The following TSC22D1 variants were observed in gnomAD, a reference collection of about 807,000 sequenced individuals.
TSC22D1 encodes TSC22 domain family member 1.
A neutral mutation model predicts 74.2 loss-of-function variants in TSC22D1; 9 were observed. The observed-to-expected ratio is 0.12, with a 90% CI of 0.07 to 0.21. TSC22D1 has a LOEUF of 0.21. Among genes scored for constraint, TSC22D1 ranks in the 10% least tolerant of loss-of-function variants. The pLI, the probability that TSC22D1 is intolerant of heterozygous loss-of-function variation, is 1.00. For missense variants in TSC22D1, 1,427 were observed against 1,304.7 expected, an observed-to-expected ratio of 1.09 and a Z score of -1.44; for synonymous variants, 586 against 492.5, an observed-to-expected ratio of 1.19 and a Z score of -2.51.
chr13:44,536,883 C>G (rs925138931), intron 1 of TSC22D1: 21 of 974,114 alleles, frequency 2.2e-5, no homozygotes, highest in Admixed American at 1.3e-4. Flanking sequence ...CACTGGTGAC[C>G]CCCACGAAGA....
Position 44,523,729 on chromosome 13 carries a change from A to G in TSC22D1, c.2912+49434T>C, listed in dbSNP as rs534213602. On this transcript the variant is annotated intron_variant, in intron 1 of 2. Transcript: ENST00000458659. ...GACAACCAGAATGGAATAGATTGAA[A>G]AGTAAACTAAATTTGAGAGATTGTA... 1.1e-4 allele frequency among the ~76,000 whole-genome samples: 17 copies of G among 152,296 alleles called. No individual in the cohort carries two copies. The South Asian group carries it at 3.3e-3, about 30-fold the overall frequency.
rs1884240331 is a variant in TSC22D1 at position 44,576,278 on chromosome 13, G to A, written c.-204C>T. 4.3e-6 allele frequency: 3 copies of A among 691,060 alleles called. No homozygotes were observed. Among genetic ancestry groups the A allele is most frequent in the African/African-American group, 1.8e-5 (1 of 55,340 alleles). The allele number at this position is 691,060 out of a possible 1,614,324, so 42.8% of individuals were successfully genotyped here. On this transcript the variant is annotated 5_prime_UTR_variant, in exon 1 of 3. Transcript: ENST00000458659. Reference sequence around the variant, plus strand: ...AAAGGAGGATGAACGAGGGTGAACAGGGCGGCCGGGGACCCGAAGGGGGGA... The same window carrying A: ...AAAGGAGGATGAACGAGGGTGAACAAGGCGGCCGGGGACCCGAAGGGGGGA...
At chr13:44,474,677 G>C (rs1291344000) in intron 1 of TSC22D1, among the ~76,000 whole-genome samples, 3 of 151,950 alleles carry the variant, frequency 2.0e-5, no homozygotes, top group African/African-American at 7.3e-5. Flanking sequence ...GAAGAGAAAG[G>C]ATGAAGGAAG....
intron 1 of TSC22D1, among the ~76,000 whole-genome samples, chr13:44,565,769 G>C (rs936990214): frequency 5.9e-5 from 9 of 152,020 alleles, no homozygotes; most frequent in African/African-American, 2.2e-4. Context: ...TGTTGCCTAG[G>C]TTGGTCTTGA....
intron 1 of TSC22D1, among the ~76,000 whole-genome samples, chr13:44,509,508 C>A (rs548209003): frequency 6.6e-6 from 1 of 152,136 alleles, no homozygotes; most frequent in Non-Finnish European, 1.5e-5. Flanking sequence ...GACGTGGTGG[C>A]GGGCGCCTGT....
intron 1 of TSC22D1, chr13:44,436,683 T>C: frequency 6.4e-7 from 1 of 1,557,120 alleles, no homozygotes; most frequent in Non-Finnish European, 8.6e-7. Context: ...CCAGCAGCCT[T>C]GTATAAGCTA....
chr13:44,522,162 T>C (rs1020206201), intron 1 of TSC22D1, among the ~76,000 whole-genome samples: 2 of 152,116 alleles, frequency 1.3e-5, no homozygotes, highest in Admixed American at 6.5e-5. Flanking sequence ...AGCTGAGACT[T>C]AAAAGGGGCA....
intron 1 of TSC22D1, among the ~76,000 whole-genome samples, chr13:44,516,579 C>A (rs1879995302): frequency 6.6e-6 from 1 of 151,924 alleles, no homozygotes; most frequent in Non-Finnish European, 1.5e-5. Context: ...AAGAAATATT[C>A]TTTTTATGGG....
At chr13:44,523,636 C>T (rs577682881) in intron 1 of TSC22D1, among the ~76,000 whole-genome samples, 2 of 152,032 alleles carry the variant, frequency 1.3e-5, no homozygotes, top group South Asian at 2.1e-4. Flanking sequence ...GTATGTGGCA[C>T]GCAGAGAAGA....
chr13:44,539,415 G>A, intron 1 of TSC22D1: 4 of 985,306 alleles, frequency 4.1e-6, no homozygotes, highest in Non-Finnish European at 4.8e-6. Flanking sequence ...GCCCAAAGAT[G>A]AAATACAGAA....
chr13:44,574,418 C>T lies in TSC22D1; in HGVS notation c.1657G>A (p.Glu553Lys). Reference protein sequence around the residue: ...QISQVQLQSQELSYQQKQGLQ... With the variant: ...QISQVQLQSQKLSYQQKQGLQ... ...CCTTGCTTTTGCTGATAGCTCAGTT[C>T]TTGAGACTGTAATTGTACTTGTGAG... Residue 553 changes from glutamate (E) to lysine (K), a missense_variant, in exon 1 of 3, where the codon GAA (glutamate) becomes AAA (lysine). Physicochemically the swap from Glu to Lys is moderately conservative, Grantham distance 56. Around this residue, in one of 3 missense-constraint regions of TSC22D1, gnomAD observed 1,343 missense variants for 1,191.5 expected, o/e 1.13. Coordinates refer to ENST00000458659, the MANE Select transcript of TSC22D1 (RefSeq NM_183422.4). The T allele has an allele frequency of 3.1e-6, 5 of 1,614,182 alleles. No homozygotes were observed. Among genetic ancestry groups the T allele is most frequent in the Non-Finnish European group, 4.2e-6 (5 of 1,180,036 alleles).
intron 1 of TSC22D1, among the ~76,000 whole-genome samples, chr13:44,541,835 G>T (rs1595149430): frequency 1.3e-5 from 2 of 152,134 alleles, no homozygotes; most frequent in South Asian, 4.1e-4. Flanking sequence ...TTTAACAGAG[G>T]AAAAAGGCTT....
At position 44,574,751 on chromosome 13, in the gene TSC22D1, C is replaced by T. The variant is rs772078612; in HGVS notation, c.1324G>A (p.Val442Met). ...GTCTCCACCACTTTATTTATCAGCA[C>T]ACCTTCTGTAGCAGGTACAGCATTT... ...KENAVPATEGVLINKVVETVK... is the reference protein window; with the variant it reads ...KENAVPATEGMLINKVVETVK... Residue 442 changes from valine to methionine, a missense_variant, in exon 1 of 3, where the codon GTG becomes ATG. Coordinates refer to ENST00000458659, the MANE Select transcript of TSC22D1 (RefSeq NM_183422.4). 8 of 1,614,008 alleles carry T rather than the reference C, an allele frequency of 5.0e-6. No homozygotes were observed. In the African/African-American group the frequency reaches 5.3e-5, roughly 11 times the overall value.
At chr13:44,471,317 G>T (rs1366062643) in intron 1 of TSC22D1, among the ~76,000 whole-genome samples, 1 of 152,122 alleles carries the variant, frequency 6.6e-6, no homozygotes, top group Non-Finnish European at 1.5e-5. Flanking sequence ...TGTTTGAAAT[G>T]AAATTATTTC....
intron 1 of TSC22D1, chr13:44,436,680 C>A (rs983159511): frequency 1.3e-6 from 2 of 1,588,112 alleles, no homozygotes; most frequent in African/African-American, 2.7e-5. Context: ...ACACCAGCAG[C>A]CTTGTATAAG....
At chr13:44,515,782 A>G (rs1879951557) in intron 1 of TSC22D1, among the ~76,000 whole-genome samples, 1 of 152,232 alleles carries the variant, frequency 6.6e-6, no homozygotes, top group Non-Finnish European at 1.5e-5. Flanking sequence ...TATATCTGAA[A>G]TAACATATAA....
intron 1 of TSC22D1, among the ~76,000 whole-genome samples, chr13:44,534,154 A>T (rs1296082267): frequency 6.7e-6 from 1 of 150,246 alleles, no homozygotes; most frequent in Non-Finnish European, 1.5e-5. Flanking sequence ...GAACCTGGGG[A>T]GTTCGAGGCT....
chr13:44,470,537 T>TA (rs1877542606), intron 1 of TSC22D1, among the ~76,000 whole-genome samples: 1 of 152,180 alleles, frequency 6.6e-6, no homozygotes, highest in South Asian at 2.1e-4. Flanking sequence ...CATGAGCAGT[T>TA]AGATTTGTTT....
chr13:44,534,704 T>C (rs992300804), intron 1 of TSC22D1, among the ~76,000 whole-genome samples: 2 of 152,154 alleles, frequency 1.3e-5, no homozygotes, highest in Non-Finnish European at 2.9e-5. Context: ...ACTTCCGAGT[T>C]ACAGTGCTAA....
Sources: gnomAD v4.1 joint callset for allele counts (sites outside exome capture counted in the v4.1 genomes callset) on GRCh38, gnomAD v4.1.1 for gene constraint, gnomAD v4.1.1 regional missense constraint, MANE v1.5 for transcripts, NCBI Gene and HGNC (gene_info 2026-07-23, HGNC 2026-07-21) for gene names.